Variants in NXF2B observed in about 807,000 individuals in gnomAD.
NXF2B encodes the protein nuclear RNA export factor 2B.
intron 2 of NXF2B, among the ~76,000 whole-genome samples, chrX:102,386,549 CT>C (rs1172687452): frequency 1.7e-3 from 106 of 61,089 alleles, no homozygotes; most frequent in Non-Finnish European, 2.8e-3. Flanking sequence ...AGCTCTCATG[CT>C]TTGTAACCGC....
chrX:102,397,855 C>T (rs1246137253), intron 2 of NXF2B, among the ~76,000 whole-genome samples: 1 of 114,390 alleles, frequency 8.7e-6, no homozygotes, highest in Non-Finnish European at 1.9e-5. Context: ...TTCCTACGAA[C>T]TCAAAAGCAA....
At chrX:102,386,146 C>T (rs1258669376) in intron 2 of NXF2B, among the ~76,000 whole-genome samples, 1 of 115,023 alleles carries the variant, frequency 8.7e-6, no homozygotes, top group Non-Finnish European at 1.9e-5. Flanking sequence ...AGGGTTTCAC[C>T]ACGTTAGCCA....
intron 2 of NXF2B, among the ~76,000 whole-genome samples, chrX:102,393,547 A>AATAT (rs782589671): frequency 0.022 from 114 of 5,302 alleles, no homozygotes; most frequent in Middle Eastern, 0.14. Flanking sequence ...AACAAAACTA[A>AATAT]ATATATATAT....
chrX:102,405,221 C>T (rs1363617620), intron 2 of NXF2B, among the ~76,000 whole-genome samples: 6 of 74,222 alleles, frequency 8.1e-5, no homozygotes, highest in Non-Finnish European at 1.3e-4. Context: ...ACCCGGGAGG[C>T]GGAGCTTACA....
Position 102,377,148 on chromosome X carries a change from T to TTG in NXF2B, c.43+2844_43+2845dup, listed in dbSNP as rs781891878. Among the ~76,000 whole-genome samples the TTG allele has an allele frequency of 3.9e-3, 214 of 54,378 alleles. 2 individuals are homozygous for TTG. The highest frequency in any genetic ancestry group is 0.022 in the East Asian group (28 of 1,271). 47.2% of individuals were successfully genotyped at this position (54,378 alleles called of 115,157 possible). A position where few individuals can be genotyped will look rare whatever the true frequency, so the allele number is the denominator to read the frequency against. ...AAATTGTATGTGTGTGAGAGTGTAT[T>TTG]TGTGTGTGTGTGTGTGTGTGTGTGT... On this transcript the variant is annotated intron_variant, in intron 1 of 20. Transcript: ENST00000604395.
intron 2 of NXF2B, among the ~76,000 whole-genome samples, chrX:102,405,063 C>T (rs1190389800): frequency 5.7e-5 from 4 of 69,614 alleles, no homozygotes; most frequent in African/African-American, 1.8e-4. Flanking sequence ...GGGAGGATCA[C>T]GAGGTCAGGA....
intron 2 of NXF2B, among the ~76,000 whole-genome samples, chrX:102,407,674 C>CA (rs1330536909): frequency 1.8e-5 from 1 of 55,072 alleles, no homozygotes; most frequent in Admixed American, 2.0e-4. Flanking sequence ...AACAAACAAA[C>CA]AAAAAAACAA....
intron 2 of NXF2B, among the ~76,000 whole-genome samples, chrX:102,397,852 G>A (rs1427657492): frequency 3.5e-5 from 4 of 114,277 alleles, no homozygotes; most frequent in Non-Finnish European, 3.7e-5. Context: ...TCGTTCCTAC[G>A]AACTCAAAAG....
intron 2 of NXF2B, among the ~76,000 whole-genome samples, chrX:102,412,573 AGAGGAAGAG>A (rs1569471503): frequency 4.0e-4 from 3 of 7,456 alleles, no homozygotes; most frequent in Non-Finnish European, 6.1e-4. Flanking sequence ...AGAAGGAAGA[AGAGGAAGAG>A]GAAGAGGAAG....
chrX:102,377,181 TGTGAGA>T (rs1238302781), intron 1 of NXF2B, among the ~76,000 whole-genome samples: 5 of 45,505 alleles, frequency 1.1e-4, no homozygotes, highest in Non-Finnish European at 1.2e-4. Flanking sequence ...TGTGTGTGTG[TGTGAGA>T]GAGAGAGAGC....
intron 2 of NXF2B, among the ~76,000 whole-genome samples, chrX:102,386,071 C>T (rs1345429746): frequency 8.7e-6 from 1 of 114,979 alleles, no homozygotes; most frequent in Non-Finnish European, 1.9e-5. Context: ...CCTCAGCCTC[C>T]TGAGTAGCTG....
chrX:102,436,028 C>T (rs1379312436), intron 2 of NXF2B, among the ~76,000 whole-genome samples: 244 of 14,288 alleles, frequency 0.017, 4 homozygotes, highest in South Asian at 0.05. Flanking sequence ...CACCTGTAGT[C>T]CTAGCCACTT....
intron 2 of NXF2B, among the ~76,000 whole-genome samples, chrX:102,420,621 C>T (rs1370532072): frequency 9.9e-6 from 1 of 101,040 alleles, no homozygotes; most frequent in Non-Finnish European, 2.1e-5. Flanking sequence ...TTTCAAAAAA[C>T]CAGCTCCTGG....
intron 2 of NXF2B, among the ~76,000 whole-genome samples, chrX:102,405,414 A>C (rs627829): frequency 0.03 from 158 of 5,309 alleles, 42 homozygotes; most frequent in African/African-American, 0.05. Flanking sequence ...ATACCAGCTG[A>C]GGCAGCCAAG....
chrX:102,398,351 G>A (rs1934341141), intron 2 of NXF2B, among the ~76,000 whole-genome samples: 1 of 31,371 alleles, frequency 3.2e-5, no homozygotes, highest in Non-Finnish European at 5.3e-5. Context: ...CTGGGAAACG[G>A]TATGGAGATT....
chrX:102,377,176 G>GTGTA (rs1456254032), intron 1 of NXF2B, among the ~76,000 whole-genome samples: 3 of 82,028 alleles, frequency 3.7e-5, no homozygotes, highest in African/African-American at 1.4e-4. Flanking sequence ...GTGTGTGTGT[G>GTGTA]TGTGTGTGAG....
chrX:102,377,148 TTGTGTG>T (rs781891878), intron 1 of NXF2B, among the ~76,000 whole-genome samples: 14,086 of 53,180 alleles, frequency 0.26, 968 homozygotes, highest in Middle Eastern at 0.35. Flanking sequence ...GAGAGTGTAT[TTGTGTG>T]TGTGTGTGTG....
intron 2 of NXF2B, among the ~76,000 whole-genome samples, chrX:102,405,222 G>A (rs1294821310): frequency 2.0e-4 from 15 of 73,641 alleles, no homozygotes; most frequent in African/African-American, 6.0e-4. Flanking sequence ...CCCGGGAGGC[G>A]GAGCTTACAG....
intron 2 of NXF2B, among the ~76,000 whole-genome samples, chrX:102,392,520 A>G (rs1397007725): frequency 1.0e-5 from 1 of 98,923 alleles, no homozygotes; most frequent in Non-Finnish European, 2.1e-5. Flanking sequence ...AGACGTCTTC[A>G]TGGGGACAAA....
Sources: gnomAD v4.1 joint callset for allele counts (sites outside exome capture counted in the v4.1 genomes callset) on GRCh38, gnomAD v4.1.1 for gene constraint, MANE v1.5 for transcripts, NCBI Gene and HGNC (gene_info 2026-07-23, HGNC 2026-07-21) for gene names.